Variants in GTF2I observed in about 807,000 individuals in gnomAD.
GTF2I encodes general transcription factor II-I.
Under a neutral mutation model 67.6 loss-of-function variants are expected in GTF2I, and 12 were observed. That is an observed-to-expected ratio of 0.18 (90% CI 0.11 to 0.29). The LOEUF is 0.29. Among genes scored for constraint, GTF2I ranks in the 10% least tolerant of loss-of-function variants. GTF2I has a pLI of 1.00. For synonymous variants in GTF2I, 149 were observed against 197.0 expected, an observed-to-expected ratio of 0.76 and a Z score of 2.04; for missense variants, 271 against 580.1, an observed-to-expected ratio of 0.47 and a Z score of 5.47.
intron 12 of GTF2I, among the ~76,000 whole-genome samples, chr7:74,722,004 C>T (rs137988998): frequency 1.6e-4 from 25 of 152,142 alleles, no homozygotes; most frequent in African/African-American, 3.6e-4. Flanking sequence ...TGCTTGGAGA[C>T]GACTTAATTT....
chr7:74,677,822 C>T (rs1180426861), intron 1 of GTF2I, among the ~76,000 whole-genome samples: 2 of 148,716 alleles, frequency 1.3e-5, no homozygotes, highest in African/African-American at 5.0e-5. Context: ...ACAGTTTTTC[C>T]TCTTATACAA....
At chr7:74,675,883 G>A (rs1461961297) in intron 1 of GTF2I, among the ~76,000 whole-genome samples, 6 of 152,018 alleles carry the variant, frequency 3.9e-5, no homozygotes, top group South Asian at 4.1e-4. Context: ...GGTGATGGGC[G>A]CCTATAGTCC....
At chr7:74,658,422 C>T (rs1554384713) in intron 1 of GTF2I, among the ~76,000 whole-genome samples, 1 of 144,864 alleles carries the variant, frequency 6.9e-6, no homozygotes, top group South Asian at 2.1e-4. Context: ...TGGGGGGGCG[C>T]CTCGCGCGTG....
At chr7:74,717,528 G>A (rs1554403859) in intron 11 of GTF2I, among the ~76,000 whole-genome samples, 1 of 152,048 alleles carries the variant, frequency 6.6e-6, no homozygotes, top group Non-Finnish European at 1.5e-5. Context: ...TTATCATGTA[G>A]GGTGGCTTCT....
intron 1 of GTF2I, among the ~76,000 whole-genome samples, chr7:74,672,457 T>C (rs1175303356): frequency 6.6e-6 from 1 of 152,000 alleles, no homozygotes; most frequent in East Asian, 1.9e-4. Context: ...GCAGAATCAC[T>C]TGGACCCGGA....
At chr7:74,711,401 A>C (rs1791525318) in intron 9 of GTF2I, among the ~76,000 whole-genome samples, 1 of 152,212 alleles carries the variant, frequency 6.6e-6, no homozygotes, top group African/African-American at 2.4e-5. Context: ...AAAATAAAAC[A>C]AACCTATTAG....
At chr7:74,723,337 C>G (rs1485889696) in intron 12 of GTF2I, among the ~76,000 whole-genome samples, 1 of 151,130 alleles carries the variant, frequency 6.6e-6, no homozygotes, top group African/African-American at 2.4e-5. Context: ...CCATTTTGGC[C>G]AGGGTGATCT....
At chr7:74,704,364 C>G (rs1417823351) in intron 6 of GTF2I, among the ~76,000 whole-genome samples, 1 of 151,484 alleles carries the variant, frequency 6.6e-6, no homozygotes, top group Non-Finnish European at 1.5e-5. Flanking sequence ...GATCTTGGCT[C>G]ACTACAACAT....
chr7:74,726,420 T>C (rs1274730391), intron 12 of GTF2I: 5 of 152,292 alleles, frequency 3.3e-5, no homozygotes, highest in African/African-American at 1.2e-4. Flanking sequence ...ACACTTCTGT[T>C]TTCCAGATTG....
At chr7:74,688,751 TC>T (rs1415145860) in intron 1 of GTF2I, among the ~76,000 whole-genome samples, 7 of 152,194 alleles carry the variant, frequency 4.6e-5, no homozygotes, top group African/African-American at 1.7e-4. Context: ...GTCAGGATGT[TC>T]AGGGGAGAAG....
At chr7:74,665,040 A>G (rs1804850417) in intron 1 of GTF2I, among the ~76,000 whole-genome samples, 1 of 151,300 alleles carries the variant, frequency 6.6e-6, no homozygotes, top group Non-Finnish European at 1.5e-5. Context: ...ACTGGGTTCA[A>G]GCGATTTTCC....
Position 74,712,487 on chromosome 7 carries a change from A to AGTGT in GTF2I, c.763+1425_763+1428dup, listed in dbSNP as rs142200093. 2.8e-3 allele frequency among the ~76,000 whole-genome samples: 363 copies of AGTGT among 131,830 alleles called. 2 individuals are homozygous for AGTGT. The highest frequency in any genetic ancestry group is 3.9e-3 in the South Asian group (14 of 3,586). 86.5% of individuals were successfully genotyped at this position (131,830 alleles called of 152,430 possible). A position where few individuals can be genotyped will look rare whatever the true frequency, so the allele number is the denominator to read the frequency against. ...TTTACTACGTAAATATTCTCCCGGGAGTGTGTGTGTGTGTGTGTGTGTGTG... is the reference window on the plus strand; with the variant it reads ...TTTACTACGTAAATATTCTCCCGGGAGTGTGTGTGTGTGTGTGTGTGTGTGTGTG... On this transcript the variant is annotated intron_variant, in intron 9 of 34. Transcript: ENST00000573035.
chr7:74,660,455 G>T (rs1284517971), intron 1 of GTF2I, among the ~76,000 whole-genome samples: 1 of 152,090 alleles, frequency 6.6e-6, no homozygotes, highest in Non-Finnish European at 1.5e-5. Context: ...GTCTCCGAAA[G>T]TGCTGGGATT....
At chr7:74,692,110 C>T (rs1479009481) in intron 3 of GTF2I, among the ~76,000 whole-genome samples, 14 of 146,886 alleles carry the variant, frequency 9.5e-5, no homozygotes, top group South Asian at 8.8e-4. Flanking sequence ...GGTCTCGCTC[C>T]GTCACCAGGC....
intron 12 of GTF2I, among the ~76,000 whole-genome samples, chr7:74,725,667 G>C (rs895499767): frequency 2.6e-5 from 4 of 152,062 alleles, no homozygotes; most frequent in African/African-American, 9.7e-5. Context: ...GTGAAGGAGG[G>C]AGACCCTGTC....
rs1792218729 is a variant in GTF2I, at chr7:74,716,019, T to A, written c.824-875T>A. On this transcript the variant is annotated intron_variant, in intron 10 of 34. Transcript: ENST00000573035. Reference sequence around the variant, plus strand: ...ATAGATAAGACAAAAGAGATGAACATCTGCTTCCTTTCCCCTCAAGCGATG... The same window carrying A: ...ATAGATAAGACAAAAGAGATGAACAACTGCTTCCTTTCCCCTCAAGCGATG... Among the ~76,000 whole-genome samples, 3 of 152,274 alleles carry A rather than the reference T, an allele frequency of 2.0e-5. No homozygotes were observed. The South Asian group carries it at 6.2e-4, about 32-fold the overall frequency.
chr7:74,689,760 G>C (rs1788095345), intron 2 of GTF2I, among the ~76,000 whole-genome samples: 1 of 152,058 alleles, frequency 6.6e-6, no homozygotes, highest in Non-Finnish European at 1.5e-5. Flanking sequence ...TTGTTGCCCA[G>C]GCTGGGGTGC....
intron 1 of GTF2I, among the ~76,000 whole-genome samples, chr7:74,675,043 G>C (rs1805778192): frequency 6.6e-6 from 1 of 151,520 alleles, no homozygotes; most frequent in Non-Finnish European, 1.5e-5. Flanking sequence ...AGTAGAGATG[G>C]GGTTTTGCCA....
At position 74,721,111 on chromosome 7, in the gene GTF2I, G is replaced by A. The variant is rs181304648; in HGVS notation, c.943+2170G>A. Reference sequence around the variant, plus strand: ...GGCTGGAGTGCATTGGCGCTATCTCGGCTCACCGCAACCTCCGCCTCGCAG... The same window carrying A: ...GGCTGGAGTGCATTGGCGCTATCTCAGCTCACCGCAACCTCCGCCTCGCAG... On this transcript the variant is annotated intron_variant, in intron 12 of 34. Transcript: ENST00000573035. Among the ~76,000 whole-genome samples, 470 of 152,170 alleles carry A rather than the reference G, an allele frequency of 3.1e-3. 8 individuals carry two copies. The highest frequency in any genetic ancestry group is 0.026 in the Admixed American group (403 of 15,276).
Sources: gnomAD v4.1 joint callset for allele counts (sites outside exome capture counted in the v4.1 genomes callset) on GRCh38, gnomAD v4.1.1 for gene constraint, MANE v1.5 for transcripts, NCBI Gene and HGNC (gene_info 2026-07-23, HGNC 2026-07-21) for gene names.